The following ALPK3 variants were observed in gnomAD, a reference collection of about 807,000 sequenced individuals.
ALPK3 encodes the protein alpha kinase 3.
Under a neutral mutation model 140.0 loss-of-function variants are expected in ALPK3, and 102 were observed. The ratio of observed to expected loss-of-function variants is 0.73; its 90% CI spans 0.62 to 0.86. ALPK3 has a LOEUF of 0.86. Among genes scored for constraint, ALPK3 ranks in the 40% least tolerant of loss-of-function variants. The probability of loss-of-function intolerance (pLI) is 0.00; values close to 1 mark genes in which losing one functional copy is unlikely to be tolerated. For missense variants in ALPK3, 2,254 were observed against 2,208.2 expected, an observed-to-expected ratio of 1.02 and a Z score of -0.42; for synonymous variants, 938 against 898.5, an observed-to-expected ratio of 1.04 and a Z score of -0.79.
intron 2 of ALPK3, among the ~76,000 whole-genome samples, chr15:84,824,678 AC>A (rs2141546906): frequency 6.6e-6 from 1 of 152,270 alleles, no homozygotes; most frequent in South Asian, 2.1e-4. Flanking sequence ...GGCAAACCAA[AC>A]CTTACCTAAG....
intron 3 of ALPK3, among the ~76,000 whole-genome samples, chr15:84,828,831 G>A (rs189726838): frequency 2.0e-4 from 31 of 152,274 alleles, no homozygotes; most frequent in Admixed American, 1.4e-3. Flanking sequence ...GCCAAAGTCC[G>A]CAGCACTAGT....
intron 13 of ALPK3, 117 bp downstream of exon 13, chr15:84,867,482 A>T (rs1356867284): frequency 8.6e-7 from 1 of 1,164,660 alleles, no homozygotes; most frequent in Non-Finnish European, 1.3e-6. Flanking sequence ...GTGGTCCCAG[A>T]CACACCCATG....
Position 84,840,752 on chromosome 15 carries a change from G to A in ALPK3, c.1473G>A (p.Glu491=), listed in dbSNP as rs1168370877. 4 of 1,614,102 alleles carry A rather than the reference G, an allele frequency of 2.5e-6. No individual in the cohort carries two copies. In the African/African-American group the frequency reaches 4.0e-5, roughly 16 times the overall value. ...TTGCCCCTCCAAAGCCCAAAGGAGA[G>A]GCCACCACTGACAGCAAGCCCATTT... The part of the protein sequence containing the change: ...KRFAPPKPKG[E]ATTDSKPISS... Residue 491 remains glutamate (E), a synonymous_variant, in exon 5 of 14, where the codon GAG becomes GAA. Coordinates refer to ENST00000258888, the MANE Select transcript of ALPK3 (RefSeq NM_020778.5).
chr15:84,826,811 G>A (rs1963493607), intron 2 of ALPK3, among the ~76,000 whole-genome samples: 1 of 152,124 alleles, frequency 6.6e-6, no homozygotes, highest in South Asian at 2.1e-4. Context: ...GATGGAGCAG[G>A]GGAGCCACAG....
chr15:84,821,506 C>T (rs1272572801), intron 1 of ALPK3, among the ~76,000 whole-genome samples: 1 of 152,198 alleles, frequency 6.6e-6, no homozygotes, highest in Non-Finnish European at 1.5e-5. Context: ...ATGGAGTTGG[C>T]CAGTGCCTTG....
At chr15:84,826,312 C>T (rs905239126) in intron 2 of ALPK3, among the ~76,000 whole-genome samples, 2 of 152,252 alleles carry the variant, frequency 1.3e-5, no homozygotes, top group African/African-American at 4.8e-5. Context: ...CATGGACAGA[C>T]AAACATTGCC....
At chr15:84,844,442 G>C (rs972540364) in intron 5 of ALPK3, among the ~76,000 whole-genome samples, 4 of 152,102 alleles carry the variant, frequency 2.6e-5, no homozygotes, top group Non-Finnish European at 5.9e-5. Flanking sequence ...TGGCCCACAG[G>C]TTTCCAACTT....
Position 84,840,360 on chromosome 15 carries a change from G to A in ALPK3, c.1081G>A (p.Val361Met), listed in dbSNP as rs774628152. 1.1e-5 allele frequency: 17 copies of A among 1,613,388 alleles called. No homozygotes were observed. The South Asian group carries it at 1.2e-4, about 11-fold the overall frequency. The change falls in exon 5 of 14, where the codon GTG becomes ATG. Residue 361 changes from valine to methionine, a missense_variant. Around this residue, in one of 3 missense-constraint regions of ALPK3, gnomAD observed 2,088 missense variants for 2,022.9 expected, o/e 1.03. Coordinates refer to ENST00000258888, the MANE Select transcript of ALPK3 (RefSeq NM_020778.5). ...TGACTCCTGTGGGACTCAGGGGCCC[G>A]TGGGCGTGGAGCAGGTTCAGACCCA... ...EPDSCGTQGP[V>M]GVEQVQTQPR...
At chr15:84,818,012 TG>T (rs1963381757) in intron 1 of ALPK3, among the ~76,000 whole-genome samples, 1 of 152,034 alleles carries the variant, frequency 6.6e-6, no homozygotes, top group Non-Finnish European at 1.5e-5. Flanking sequence ...GAGAGGGTGC[TG>T]GGGGGCTGCC....
In ALPK3 at chr15:84,858,105, G is replaced by T; in HGVS notation, c.3367G>T (p.Ala1123Ser). 4.5e-6 allele frequency: 7 copies of T among 1,572,338 alleles called. No individual in the cohort carries two copies. The highest frequency in any genetic ancestry group is 6.0e-6 in the Non-Finnish European group (7 of 1,162,542). Residue 1123 changes from alanine (A) to serine (S), a missense_variant, in exon 6 of 14, where the codon GCC (alanine) becomes TCC (serine). This residue lies in a region of ALPK3 where 2,088 missense variants were observed against 2,022.9 expected (regional missense o/e 1.03). Transcript: ENST00000258888. ...GRLGEAGGQA[A>S]PGQGPSAESI... ...ACTGGGGGAGGCGGGTGGGCAGGCA[G>T]CCCCTGGACAGGGGCCCTCAGCAGA...
intron 8 of ALPK3, 30 bp downstream of exon 8, chr15:84,859,933 G>A: frequency 6.2e-7 from 1 of 1,613,838 alleles, no homozygotes; most frequent in South Asian, 1.1e-5. Context: ...CGGGGTCTCA[G>A]CCTGGCCTGG....
At position 84,870,207 on chromosome 15, in the gene ALPK3, A is replaced by C. The variant is rs1964053077; in HGVS notation, c.*1751A>C. The stretch of plus-strand genomic sequence containing the variant: ...CACCCGGAACCTCCCCTTGCCTAAC[A>C]TTTCCCCTCTATGGTAACATCTCTG... On this transcript the variant is annotated 3_prime_UTR_variant, in exon 14 of 14. Transcript: ENST00000258888. The C allele has an allele frequency of 6.7e-6, 1 of 149,038 alleles. No individual in the cohort carries two copies. The highest frequency in any genetic ancestry group is 1.5e-5 in the Non-Finnish European group (1 of 67,366). 9.2% of individuals were successfully genotyped at this position (149,038 alleles called of 1,614,324 possible).
chr15:84,858,295 G>A lies in ALPK3; in HGVS notation c.3557G>A (p.Arg1186Lys), dbSNP rs1181836929. Residue 1186 changes from arginine to lysine, a missense_variant, in exon 6 of 14, where the codon AGG (arginine) becomes AAG (lysine). This residue lies in a region of ALPK3 where 2,088 missense variants were observed against 2,022.9 expected (regional missense o/e 1.03). Coordinates refer to ENST00000258888, the MANE Select transcript of ALPK3 (RefSeq NM_020778.5). ...GDGEATTPEE[R>K]ESPTVSPRGP... is the part of the protein sequence containing the mutation. ...GGGGAGGCAACCACACCTGAAGAAAGGGAGAGCCCCACGGTTTCCCCCCGG... is the reference window on the plus strand; with the variant it reads ...GGGGAGGCAACCACACCTGAAGAAAAGGAGAGCCCCACGGTTTCCCCCCGG... The A allele has an allele frequency of 6.3e-7, 1 of 1,579,752 alleles. No homozygotes were observed. Among genetic ancestry groups the A allele is most frequent in the Admixed American group, 1.8e-5 (1 of 54,724 alleles).
At chr15:84,839,579 A>G in intron 4 of ALPK3, 123 bp from the exon 5 acceptor site, 1 of 1,080,324 alleles carries the variant, frequency 9.3e-7, no homozygotes, top group South Asian at 1.5e-5. Flanking sequence ...GGGGCGTAGC[A>G]CACGGCAGGG....
At chr15:84,837,954 G>A (rs1014858053) in intron 3 of ALPK3, among the ~76,000 whole-genome samples, 4 of 152,226 alleles carry the variant, frequency 2.6e-5, no homozygotes, top group Non-Finnish European at 5.9e-5. Flanking sequence ...GAATTAGCTA[G>A]ATTAGCTGAT....
In ALPK3 at chr15:84,862,762, C is replaced by T. The variant is rs1459554066; in HGVS notation, c.4257C>T (p.Gly1419=). 6.2e-7 allele frequency: 1 copy of T among 1,614,112 alleles called. No homozygotes were observed. Among genetic ancestry groups the T allele is most frequent in the East Asian group, 2.2e-5 (1 of 44,848 alleles). Residue 1419 remains glycine, a synonymous_variant, in exon 10 of 14, where the codon GGC becomes GGT. Transcript: ENST00000258888. ...EELRGGGYGC[G]LRKASQAKVI... ...TCCGAGGGGGTGGATATGGGTGTGG[C>T]CTTCGGAAGGCCTCCCAGGCCAAGG...
chr15:84,829,424 T>C (rs933898059), intron 3 of ALPK3, among the ~76,000 whole-genome samples: 4 of 152,216 alleles, frequency 2.6e-5, no homozygotes, highest in African/African-American at 9.7e-5. Flanking sequence ...AAAAGAATAC[T>C]GTAAAAGTTA....
At position 84,857,077 on chromosome 15, in the gene ALPK3, T is replaced by C. The variant is rs1377900795; in HGVS notation, c.2339T>C (p.Val780Ala). 6.2e-7 allele frequency: 1 copy of C among 1,614,178 alleles called. No individual in the cohort carries two copies. Among genetic ancestry groups the C allele is most frequent in the African/African-American group, 1.3e-5 (1 of 75,040 alleles). ...CTGCCCAGATCTGAGGAGGCAGTAG[T>C]AACAGCCTCCAGGAACCATGAGCAA... ...GCLPRSEEAVVTASRNHEQTV... is the reference protein window; with the variant it reads ...GCLPRSEEAVATASRNHEQTV... The change falls in exon 6 of 14, where the codon GTA becomes GCA. Residue 780 changes from valine to alanine, a missense_variant. Around this residue, in one of 3 missense-constraint regions of ALPK3, gnomAD observed 2,088 missense variants for 2,022.9 expected, o/e 1.03. Coordinates refer to ENST00000258888, the MANE Select transcript of ALPK3 (RefSeq NM_020778.5).
At chr15:84,823,271 T>G (rs373378149) in intron 1 of ALPK3, 59 bp from the exon 2 acceptor site, 20 of 1,595,744 alleles carry the variant, frequency 1.3e-5, no homozygotes, top group Non-Finnish European at 1.6e-5. Context: ...GACTGTTGAT[T>G]TCGCCTACTT....
Sources: gnomAD v4.1 joint callset for allele counts (sites outside exome capture counted in the v4.1 genomes callset) on GRCh38, gnomAD v4.1.1 for gene constraint, gnomAD v4.1.1 regional missense constraint, MANE v1.5 for transcripts, NCBI Gene and HGNC (gene_info 2026-07-23, HGNC 2026-07-21) for gene names.